The following COLQ variants were observed in gnomAD, a reference collection of about 807,000 sequenced individuals.
COLQ encodes the protein acetylcholinesterase collagenic tail peptide.
COLQ carries 48 observed loss-of-function variants against 69.0 expected under a neutral mutation model. The observed-to-expected ratio is 0.70, with a 90% CI of 0.55 to 0.88. The LOEUF is 0.88. Among genes scored for constraint, COLQ ranks in the 40% least tolerant of loss-of-function variants. COLQ has a pLI of 0.00. For missense variants in COLQ, 618 were observed against 594.6 expected (o/e 1.04, Z -0.41); for synonymous variants, 217 against 211.2 (o/e 1.03, Z -0.24).
intron 1 of COLQ, among the ~76,000 whole-genome samples, chr3:15,519,123 C>T (rs191079015): frequency 5.4e-4 from 82 of 152,232 alleles, no homozygotes; most frequent in African/African-American, 1.9e-3. Flanking sequence ...AAGTGACCAC[C>T]GGAGAAAACA....
intron 3 of COLQ, among the ~76,000 whole-genome samples, chr3:15,480,677 A>G (rs765755303): frequency 1.3e-5 from 2 of 152,248 alleles, no homozygotes; most frequent in Non-Finnish European, 2.9e-5. Context: ...CACGATTTAC[A>G]ATCCTTTGGG....
intron 6 of COLQ, among the ~76,000 whole-genome samples, chr3:15,475,973 T>C (rs73146147): frequency 0.1 from 15,703 of 152,226 alleles, 863 homozygotes; most frequent in East Asian, 0.18. Context: ...AATAGAAATA[T>C]AAGGTGAGCC....
intron 2 of COLQ, among the ~76,000 whole-genome samples, chr3:15,488,950 T>C (rs1475854013): frequency 2.0e-5 from 3 of 152,196 alleles, no homozygotes; most frequent in Admixed American, 2.0e-4. Flanking sequence ...GACAGAGCGT[T>C]GGGAAAGAGC....
intron 13 of COLQ, 83 bp downstream of exon 13, chr3:15,458,103 G>T: frequency 6.6e-7 from 1 of 1,510,452 alleles, no homozygotes; most frequent in Non-Finnish European, 9.2e-7. Context: ...TAGTTTTACT[G>T]AAAGGATTTT....
In COLQ at chr3:15,489,647, G is replaced by A. The variant is rs757105483; in HGVS notation, c.107-10C>T. ...TCCAGGCTGGGAAGGGCTGTTCAGAGAAAACTGCCGCTCGTTAGCATGTGG... is the reference window on the plus strand; with the variant it reads ...TCCAGGCTGGGAAGGGCTGTTCAGAAAAAACTGCCGCTCGTTAGCATGTGG... On this transcript the variant is annotated splice_polypyrimidine_tract_variant and intron_variant, in intron 1 of 16. Transcript: ENST00000383788. 6.2e-7 allele frequency: 1 copy of A among 1,613,048 alleles called. No homozygotes were observed. The highest frequency in any genetic ancestry group is 1.1e-5 in the South Asian group (1 of 90,958).
At chr3:15,475,837 T>C (rs1160773044) in intron 6 of COLQ, among the ~76,000 whole-genome samples, 1 of 152,104 alleles carries the variant, frequency 6.6e-6, no homozygotes, top group Non-Finnish European at 1.5e-5. Context: ...GAAAACAAGG[T>C]GTCAATACAC....
At chr3:15,485,530 T>C (rs1015967309) in intron 3 of COLQ, among the ~76,000 whole-genome samples, 1 of 152,168 alleles carries the variant, frequency 6.6e-6, no homozygotes, top group Non-Finnish European at 1.5e-5. Context: ...CTCCCTGAAA[T>C]ATGATTTCTG....
chr3:15,475,142 A>G lies in COLQ; in HGVS notation c.529-191T>C, dbSNP rs559675750. The G allele has an allele frequency of 1.8e-3, 1,257 of 697,682 alleles. 28 individuals carry two copies. In the South Asian group the frequency reaches 0.021, roughly 11 times the overall value. 43.2% of individuals were successfully genotyped at this position (697,682 alleles called of 1,614,324 possible). On this transcript the variant is annotated intron_variant, in intron 7 of 16. Coordinates refer to ENST00000383788, the MANE Select transcript of COLQ (RefSeq NM_005677.4). ...TGGTTATACCAGGCCTAAAAGGAAC[A>G]TTGCTTTTATCACTCTGCAAAGTCC...
At chr3:15,474,135 C>A in intron 9 of COLQ, 93 bp downstream of exon 9, 1 of 1,591,948 alleles carries the variant, frequency 6.3e-7, no homozygotes, top group Non-Finnish European at 8.6e-7. Context: ...GAGGCCTGTC[C>A]ATCAGTCCAT....
At chr3:15,456,633 G>T in intron 13 of COLQ, 54 bp from the exon 14 acceptor site, 1 of 1,607,418 alleles carries the variant, frequency 6.2e-7, no homozygotes. Flanking sequence ...CAGGGGGCAG[G>T]AAAAAAGCTG....
chr3:15,479,001 C>T lies in COLQ; in HGVS notation c.369G>A (p.Gly123=), dbSNP rs1487174296. 6.2e-7 allele frequency: 1 copy of T among 1,614,172 alleles called. No individual in the cohort carries two copies. The highest frequency in any genetic ancestry group is 1.1e-5 in the South Asian group (1 of 91,086). The stretch of plus-strand genomic sequence containing the variant: ...CCTTCCTTCCTGGTCGGCCAAGCTC[C>T]CCCTATGGATGGAGAAGACAGGTAA... ...PGKTGPKGEK[G]ELGRPGRKGR... Residue 123 remains glycine (G), a splice_region_variant and synonymous_variant, in exon 5 of 17, where the codon GGG becomes GGA. Transcript: ENST00000383788.
chr3:15,452,597 T>C (rs2061964224), intron 16 of COLQ, among the ~76,000 whole-genome samples: 1 of 152,082 alleles, frequency 6.6e-6, no homozygotes, highest in South Asian at 2.1e-4. Flanking sequence ...TACTCGATCC[T>C]GTACTCCATA....
At position 15,453,817 on chromosome 3, in the gene COLQ, A is replaced by G; in HGVS notation, c.1298+12T>C. ...AAGAAGGGGGAGAGGGAGGGAGGGG[A>G]GTCATCCCTACCCAGGGAGATAGGT... On this transcript the variant is annotated intron_variant, in intron 16 of 16. Transcript: ENST00000383788. 6.4e-7 allele frequency: 1 copy of G among 1,557,626 alleles called. No individual in the cohort carries two copies. Among genetic ancestry groups the G allele is most frequent in the Middle Eastern group, 1.7e-4 (1 of 5,954 alleles).
At chr3:15,461,429 G>A (rs1258409184) in intron 12 of COLQ, among the ~76,000 whole-genome samples, 4 of 152,048 alleles carry the variant, frequency 2.6e-5, no homozygotes, top group Admixed American at 2.6e-4. Context: ...TATACTAAAG[G>A]ACTCAGCAAC....
At chr3:15,472,906 C>T (rs184149356) in intron 10 of COLQ, among the ~76,000 whole-genome samples, 8 of 151,828 alleles carry the variant, frequency 5.3e-5, no homozygotes, top group Admixed American at 5.3e-4. Context: ...TGTGCCCAGG[C>T]TGGAGAGCAG....
At chr3:15,484,140 C>A (rs1054489799) in intron 3 of COLQ, among the ~76,000 whole-genome samples, 4 of 152,260 alleles carry the variant, frequency 2.6e-5, no homozygotes, top group African/African-American at 9.6e-5. Flanking sequence ...CTGAATACAG[C>A]ACACTGATGG....
chr3:15,471,795 A>C (rs1249305548), intron 10 of COLQ, among the ~76,000 whole-genome samples: 1 of 152,140 alleles, frequency 6.6e-6, no homozygotes, highest in Non-Finnish European at 1.5e-5. Context: ...TTGTCCTTAA[A>C]TCTGTTATTT....
intron 3 of COLQ, among the ~76,000 whole-genome samples, chr3:15,487,843 G>C (rs748631448): frequency 6.6e-6 from 1 of 152,150 alleles, no homozygotes; most frequent in African/African-American, 2.4e-5. Flanking sequence ...AGGCACCTCT[G>C]GGTCCACAGG....
At chr3:15,517,199 C>G (rs1028565731) in intron 1 of COLQ, among the ~76,000 whole-genome samples, 2 of 152,038 alleles carry the variant, frequency 1.3e-5, no homozygotes, top group African/African-American at 4.8e-5. Flanking sequence ...GGAGGGTAGC[C>G]TACAGGACTT....
Sources: allele counts gnomAD v4.1 joint callset (sites outside exome capture counted in the v4.1 genomes callset), GRCh38; gene constraint gnomAD v4.1.1; transcripts MANE v1.5; gene names NCBI Gene and HGNC (gene_info 2026-07-23, HGNC 2026-07-21).